The following DOCK8 variants were observed in gnomAD, a reference collection of about 807,000 sequenced individuals.
DOCK8 encodes the protein dedicator of cytokinesis 8, also known as dedicator of cytokinesis protein 8.
Under a neutral mutation model 245.6 loss-of-function variants are expected in DOCK8, and 141 were observed. That is an observed-to-expected ratio of 0.57 (90% CI 0.50 to 0.66). The LOEUF is 0.66. DOCK8 is among the 30% of genes least tolerant of loss of function. DOCK8 has a pLI of 0.00. For missense variants in DOCK8, 2,965 were observed against 2,603.4 expected, an observed-to-expected ratio of 1.14 and a Z score of -3.02; for synonymous variants, 1,168 against 970.2, an observed-to-expected ratio of 1.20 and a Z score of -3.79.
At chr9:268,168 C>G (rs771622242) in intron 1 of DOCK8, 1 of 152,184 alleles carries the variant, frequency 6.6e-6, no homozygotes, top group Non-Finnish European at 1.5e-5. Flanking sequence ...TGAAGCAATT[C>G]TTTTCCACGT....
chr9:359,341 G>A (rs1239765567), intron 14 of DOCK8, among the ~76,000 whole-genome samples: 2 of 152,152 alleles, frequency 1.3e-5, no homozygotes, highest in African/African-American at 2.4e-5. Context: ...TGTGTTACCT[G>A]GTACAAGTTA....
chr9:250,702 G>T (rs967197543), intron 1 of DOCK8, among the ~76,000 whole-genome samples: 28 of 152,316 alleles, frequency 1.8e-4, no homozygotes, highest in African/African-American at 6.7e-4. Context: ...TGATCAAATA[G>T]TAGAGTTGAT....
intron 5 of DOCK8, among the ~76,000 whole-genome samples, chr9:305,576 C>T (rs142922883): frequency 3.3e-5 from 5 of 152,280 alleles, no homozygotes; most frequent in East Asian, 3.9e-4. Context: ...TGAGCCACCA[C>T]GCCTGGCCAG....
intron 2 of DOCK8, among the ~76,000 whole-genome samples, chr9:286,043 G>C (rs530406929): frequency 6.6e-6 from 1 of 152,188 alleles, no homozygotes; most frequent in South Asian, 2.1e-4. Flanking sequence ...AAGGAGTGTT[G>C]AGTTTGCCTG....
chr9:340,330 C>T lies in DOCK8; in HGVS notation c.1679+9C>T. 1.2e-6 allele frequency: 2 copies of T among 1,613,688 alleles called. No individual in the cohort carries two copies. Among genetic ancestry groups the T allele is most frequent in the Non-Finnish European group, 1.7e-6 (2 of 1,179,698 alleles). On this transcript the variant is annotated intron_variant, in intron 14 of 47. Transcript: ENST00000432829. ...CCTCACACTGTGTACAGGTAAGAAACACAGGCTCGGGCTGGGCGTGGTGGC... is the reference window on the plus strand; with the variant it reads ...CCTCACACTGTGTACAGGTAAGAAATACAGGCTCGGGCTGGGCGTGGTGGC...
At chr9:313,894 CA>C (rs1471766012) in intron 6 of DOCK8, among the ~76,000 whole-genome samples, 7 of 152,144 alleles carry the variant, frequency 4.6e-5, no homozygotes, top group Non-Finnish European at 1.0e-4. Flanking sequence ...TAGATCAAAA[CA>C]TGACACTGTA....
chr9:262,986 C>T (rs2129804783), intron 1 of DOCK8, among the ~76,000 whole-genome samples: 1 of 152,320 alleles, frequency 6.6e-6, no homozygotes, highest in Admixed American at 6.5e-5. Flanking sequence ...GCGGGTGGAT[C>T]ACCTGAGGTC....
At chr9:443,238 G>C (rs987475806) in intron 42 of DOCK8, among the ~76,000 whole-genome samples, 189 bp from the exon 43 acceptor site, 1 of 152,176 alleles carries the variant, frequency 6.6e-6, no homozygotes, top group Non-Finnish European at 1.5e-5. Flanking sequence ...GCATATACCA[G>C]TTGACAGTGC....
At chr9:461,322 T>A (rs2057797521) in intron 46 of DOCK8, among the ~76,000 whole-genome samples, 1 of 152,210 alleles carries the variant, frequency 6.6e-6, no homozygotes. Context: ...CCTCTCATTT[T>A]CCATTCCCTT....
chr9:394,368 T>C (rs2054344933), intron 24 of DOCK8, among the ~76,000 whole-genome samples: 1 of 152,258 alleles, frequency 6.6e-6, no homozygotes, highest in South Asian at 2.1e-4. Flanking sequence ...CAATTCTTCA[T>C]ACATTGTTTA....
At chr9:287,453 A>C (rs902578158) in intron 3 of DOCK8, among the ~76,000 whole-genome samples, 1 of 152,198 alleles carries the variant, frequency 6.6e-6, no homozygotes, top group African/African-American at 2.4e-5. Context: ...GACAGGTTCC[A>C]TCTTCTCATC....
intron 1 of DOCK8, 102 bp downstream of exon 1, chr9:215,131 G>C: frequency 6.8e-7 from 1 of 1,472,020 alleles, no homozygotes; most frequent in South Asian, 1.3e-5. Flanking sequence ...GTCCATTCGC[G>C]TCCGCGGCGG....
chr9:311,806 A>T, intron 5 of DOCK8, 148 bp from the exon 6 acceptor site: 2 of 974,886 alleles, frequency 2.1e-6, no homozygotes, highest in East Asian at 2.4e-5. Flanking sequence ...TGTCATTCTT[A>T]TCAAATCCGC....
chr9:418,356 C>T (rs1303050490), intron 30 of DOCK8, 149 bp downstream of exon 30: 1 of 1,102,490 alleles, frequency 9.1e-7, no homozygotes, highest in African/African-American at 1.5e-5. Flanking sequence ...ACTGCAACCT[C>T]CGCCTCCCGG....
At chr9:284,933 G>A (rs1044342700) in intron 2 of DOCK8, among the ~76,000 whole-genome samples, 2 of 152,190 alleles carry the variant, frequency 1.3e-5, no homozygotes, top group Non-Finnish European at 1.5e-5. Flanking sequence ...AGACACTGTG[G>A]CCTACTTGTG....
At chr9:219,822 A>C (rs985504543) in intron 1 of DOCK8, among the ~76,000 whole-genome samples, 1 of 152,150 alleles carries the variant, frequency 6.6e-6, no homozygotes, top group African/African-American at 2.4e-5. Flanking sequence ...ACTCGAACCC[A>C]GGAAGTTGAA....
At chr9:402,647 A>G (rs916840882) in intron 26 of DOCK8, among the ~76,000 whole-genome samples, 26 of 152,234 alleles carry the variant, frequency 1.7e-4, no homozygotes, top group African/African-American at 6.3e-4. Flanking sequence ...CATTTTGCAT[A>G]ACCTATTATG....
chr9:425,448 C>A lies in DOCK8; in HGVS notation c.4242-1437C>A, dbSNP rs984002872. Among the ~76,000 whole-genome samples the A allele has an allele frequency of 2.0e-5, 3 of 149,320 alleles. No homozygotes were observed. The Admixed American group carries it at 2.0e-4, about 10-fold the overall frequency. ...TCGGGAGGCTGAAGCAGGAGAATGG[C>A]GTGAACCCGGGAAGTGGAGCTTGCG... On this transcript the variant is annotated intron_variant, in intron 33 of 47. Transcript: ENST00000432829.
intron 14 of DOCK8, among the ~76,000 whole-genome samples, chr9:347,384 C>T (rs748332363): frequency 1.7e-4 from 26 of 152,054 alleles, no homozygotes; most frequent in Non-Finnish European, 3.5e-4. Flanking sequence ...TCCACACCTG[C>T]AGTCCCAGTT....
Sources: gnomAD v4.1 joint callset for allele counts (sites outside exome capture counted in the v4.1 genomes callset) on GRCh38, gnomAD v4.1.1 for gene constraint, MANE v1.5 for transcripts, NCBI Gene and HGNC (gene_info 2026-07-23, HGNC 2026-07-21) for gene names.